IGF2BP2: variants seen among roughly 807,000 people sequenced by gnomAD.
IGF2BP2 encodes insulin like growth factor 2 mRNA binding protein 2.
IGF2BP2 carries 17 observed loss-of-function variants against 75.8 expected under a neutral mutation model. That is an observed-to-expected ratio of 0.22 (90% CI 0.15 to 0.34). The LOEUF is 0.34. Ranked by LOEUF, IGF2BP2 falls within the 10% of genes least tolerant of loss-of-function variation. The probability of loss-of-function intolerance (pLI) is 1.00; values close to 1 mark genes in which losing one functional copy is unlikely to be tolerated. For missense variants in IGF2BP2, 516 were observed against 772.4 expected (o/e 0.67, Z 3.93); for synonymous variants, 288 against 295.6 (o/e 0.97, Z 0.26).
At chr3:185,810,200 CAGAGT>C (rs1396477191) in intron 2 of IGF2BP2, among the ~76,000 whole-genome samples, 1 of 152,158 alleles carries the variant, frequency 6.6e-6, no homozygotes, top group Non-Finnish European at 1.5e-5. Context: ...TGCCAACTAT[CAGAGT>C]AGTCTGAGGC....
intron 10 of IGF2BP2, among the ~76,000 whole-genome samples, chr3:185,668,307 C>T (rs572081658): frequency 2.0e-5 from 3 of 151,922 alleles, no homozygotes; most frequent in East Asian, 1.9e-4. Context: ...TCACTGTGTA[C>T]AGCATAATTT....
At chr3:185,708,607 A>G (rs1724379646) in intron 2 of IGF2BP2, among the ~76,000 whole-genome samples, 1 of 152,064 alleles carries the variant, frequency 6.6e-6, no homozygotes, top group Non-Finnish European at 1.5e-5. Context: ...CAGCACATAC[A>G]TGGAAGGGCC....
chr3:185,798,664 C>A (rs1737760035), intron 2 of IGF2BP2, among the ~76,000 whole-genome samples: 1 of 152,148 alleles, frequency 6.6e-6, no homozygotes, highest in Admixed American at 6.5e-5. Context: ...GGGAAAACAC[C>A]ATTTGCTTTA....
intron 7 of IGF2BP2, among the ~76,000 whole-genome samples, chr3:185,680,611 G>A (rs989470132): frequency 2.0e-5 from 3 of 152,158 alleles, no homozygotes; most frequent in South Asian, 2.1e-4. Flanking sequence ...CCACGACCAA[G>A]TGGGATTTGT....
At chr3:185,818,350 C>T (rs1740879949) in intron 2 of IGF2BP2, among the ~76,000 whole-genome samples, 1 of 152,132 alleles carries the variant, frequency 6.6e-6, no homozygotes, top group South Asian at 2.1e-4. Flanking sequence ...ACTGTAAAAC[C>T]TACTCCAGGT....
At chr3:185,711,946 C>T (rs1038942664) in intron 2 of IGF2BP2, among the ~76,000 whole-genome samples, 1 of 152,206 alleles carries the variant, frequency 6.6e-6, no homozygotes, top group South Asian at 2.1e-4. Context: ...GCAAACTCTA[C>T]AAACACCAAA....
intron 2 of IGF2BP2, among the ~76,000 whole-genome samples, chr3:185,822,346 G>A (rs533575545): frequency 6.6e-6 from 1 of 152,096 alleles, no homozygotes; most frequent in Admixed American, 6.5e-5. Flanking sequence ...CACAGCAGAA[G>A]AAAAAAATTT....
intron 2 of IGF2BP2, among the ~76,000 whole-genome samples, chr3:185,739,203 G>A (rs915060401): frequency 4.6e-5 from 7 of 152,062 alleles, no homozygotes; most frequent in African/African-American, 1.4e-4. Flanking sequence ...AAAACGAAAC[G>A]GCCATTGCAA....
chr3:185,752,407 T>C (rs1193337639), intron 2 of IGF2BP2, among the ~76,000 whole-genome samples: 1 of 152,228 alleles, frequency 6.6e-6, no homozygotes, highest in Non-Finnish European at 1.5e-5. Context: ...TCTTCATTTC[T>C]TCACACTGTA....
intron 7 of IGF2BP2, among the ~76,000 whole-genome samples, chr3:185,680,700 T>C (rs1175112437): frequency 1.3e-5 from 2 of 152,088 alleles, no homozygotes; most frequent in African/African-American, 2.4e-5. Context: ...TCCCATCACT[T>C]TGGGAGGCTG....
chr3:185,788,578 T>C (rs1736194471), intron 2 of IGF2BP2, among the ~76,000 whole-genome samples: 1 of 152,190 alleles, frequency 6.6e-6, no homozygotes, highest in East Asian at 1.9e-4. Context: ...ACTAGTTCAG[T>C]CAGTCAACCA....
intron 2 of IGF2BP2, chr3:185,821,138 C>A (rs1741326275): frequency 1.3e-5 from 19 of 1,472,692 alleles, no homozygotes; most frequent in Admixed American, 2.6e-5. Context: ...GCCTGCAGTA[C>A]AAGTAGCTAA....
intron 2 of IGF2BP2, among the ~76,000 whole-genome samples, chr3:185,771,358 G>A (rs1444985042): frequency 4.5e-5 from 1 of 21,990 alleles, no homozygotes; most frequent in East Asian, 1.4e-3. Context: ...GGAGAATCAC[G>A]TGAACCTGGG....
At chr3:185,692,668 T>A in intron 5 of IGF2BP2, 31 bp downstream of exon 5, 1 of 1,538,740 alleles carries the variant, frequency 6.5e-7, no homozygotes, top group Non-Finnish European at 8.9e-7. Flanking sequence ...AACAAATAAA[T>A]TTAAACAGAA....
chr3:185,808,546 T>A (rs1200843920), intron 2 of IGF2BP2, among the ~76,000 whole-genome samples: 2 of 152,100 alleles, frequency 1.3e-5, no homozygotes, highest in Non-Finnish European at 2.9e-5. Context: ...CAGAGCTTTT[T>A]TTAATTTTTA....
intron 2 of IGF2BP2, among the ~76,000 whole-genome samples, chr3:185,736,237 G>A (rs1728835020): frequency 6.6e-6 from 1 of 152,114 alleles, no homozygotes; most frequent in South Asian, 2.1e-4. Flanking sequence ...GGAGGTGGGG[G>A]GGCCACTCTT....
chr3:185,731,284 T>TTACCCAGG (rs1728138117), intron 2 of IGF2BP2, among the ~76,000 whole-genome samples: 1 of 150,694 alleles, frequency 6.6e-6, no homozygotes. Context: ...TCTTGCTGTA[T>TTACCCAGG]TACCCAGGCT....
chr3:185,715,443 C>A (rs749785878), intron 2 of IGF2BP2, among the ~76,000 whole-genome samples: 1 of 152,122 alleles, frequency 6.6e-6, no homozygotes, highest in Non-Finnish European at 1.5e-5. Flanking sequence ...AGGTAAACAC[C>A]GGGAGGCAGG....
intron 2 of IGF2BP2, among the ~76,000 whole-genome samples, chr3:185,744,752 T>C (rs932106385): frequency 2.0e-5 from 3 of 152,148 alleles, no homozygotes; most frequent in Admixed American, 6.5e-5. Flanking sequence ...GAAGTTGCAG[T>C]GAGCTGAGAC....
Sources: allele counts gnomAD v4.1 joint callset (sites outside exome capture counted in the v4.1 genomes callset), GRCh38; gene constraint gnomAD v4.1.1; transcripts MANE v1.5; gene names NCBI Gene and HGNC (gene_info 2026-07-23, HGNC 2026-07-21).